RHBDL3: variants seen among roughly 807,000 people sequenced by gnomAD.
RHBDL3 encodes the protein rhomboid-related protein 3.
In RHBDL3, 28 loss-of-function variants were observed where a neutral mutation model predicts 48.2. The ratio of observed to expected loss-of-function variants is 0.58; its 90% confidence interval spans 0.43 to 0.80. RHBDL3 has a LOEUF of 0.80. Among genes scored for constraint, RHBDL3 ranks in the 30% least tolerant of loss-of-function variants. The pLI is 0.00. For missense variants in RHBDL3, 464 were observed against 542.7 expected, an observed-to-expected ratio of 0.85 and a Z score of 1.44; for synonymous variants, 208 against 232.3, an observed-to-expected ratio of 0.90 and a Z score of 0.95.
At chr17:32,293,637 A>G (rs879909251) in intron 4 of RHBDL3, among the ~76,000 whole-genome samples, 1 of 151,900 alleles carries the variant, frequency 6.6e-6, no homozygotes, top group Non-Finnish European at 1.5e-5. Context: ...TTATTTCACT[A>G]TAGTTATTTA....
Position 32,305,454 on chromosome 17 carries a change from C to T in RHBDL3, c.882+13C>T, listed in dbSNP as rs767282195. 1.4e-5 allele frequency: 21 copies of T among 1,544,158 alleles called. No homozygotes were observed. Among genetic ancestry groups the T allele is most frequent in the East Asian group, 1.1e-4 (5 of 44,540 alleles). ...CAACATTGTCATGGTGAGCACCTCCCGTTCTCAATGTGTCTTTCTGGCCCT... is the reference window on the plus strand; with the variant it reads ...CAACATTGTCATGGTGAGCACCTCCTGTTCTCAATGTGTCTTTCTGGCCCT... On this transcript the variant is annotated intron_variant, in intron 7 of 8. Transcript: ENST00000269051.
intron 2 of RHBDL3, among the ~76,000 whole-genome samples, chr17:32,277,336 A>T (rs1330153845): frequency 6.6e-6 from 1 of 152,234 alleles, no homozygotes; most frequent in South Asian, 2.1e-4. Flanking sequence ...CACATACATC[A>T]TAGACACAAG....
chr17:32,291,929 G>A (rs1211857583), intron 4 of RHBDL3, among the ~76,000 whole-genome samples: 1 of 151,686 alleles, frequency 6.6e-6, no homozygotes, highest in Non-Finnish European at 1.5e-5. Context: ...CTGCCACCAC[G>A]CCCGGCTAAT....
intron 7 of RHBDL3, among the ~76,000 whole-genome samples, chr17:32,315,583 T>C (rs1213733351): frequency 6.6e-6 from 1 of 152,070 alleles, no homozygotes; most frequent in Non-Finnish European, 1.5e-5. Flanking sequence ...AAACCCCCGA[T>C]GGTTGGGAAA....
intron 8 of RHBDL3, among the ~76,000 whole-genome samples, chr17:32,316,959 C>T (rs1686898654): frequency 1.3e-5 from 2 of 150,798 alleles, no homozygotes; most frequent in Non-Finnish European, 3.0e-5. Context: ...ACAACCTCCA[C>T]CTCCCGGGTT....
In RHBDL3 at chr17:32,288,957, T is replaced by C. The variant is rs951997141; in HGVS notation, c.460T>C (p.Tyr154His). 6.2e-7 allele frequency: 1 copy of C among 1,614,206 alleles called. No homozygotes were observed. Residue 154 changes from tyrosine to histidine, a missense_variant, in exon 4 of 9, where the codon TAT (tyrosine) becomes CAT (histidine). Transcript: ENST00000269051. ...LPREIDRKWY[Y>H]DSYTCCPPPW... ...CCGGGAAATTGACCGCAAGTGGTAC[T>C]ATGACAGCTACACCTGCTGCCCCCC... is the stretch of plus-strand genomic sequence containing the variant.
chr17:32,294,973 A>G (rs962080643), intron 5 of RHBDL3, among the ~76,000 whole-genome samples: 2 of 152,194 alleles, frequency 1.3e-5, no homozygotes, highest in Non-Finnish European at 2.9e-5. Context: ...CCACTTCATG[A>G]TAAGGGCCTA....
At chr17:32,302,354 T>A (rs141730129) in intron 6 of RHBDL3, among the ~76,000 whole-genome samples, 1 of 148,510 alleles carries the variant, frequency 6.7e-6, no homozygotes, top group Non-Finnish European at 1.5e-5. Flanking sequence ...TGCTTTTTTT[T>A]AGTTTTTTGG....
intron 8 of RHBDL3, 145 bp from the exon 9 acceptor site, chr17:32,320,813 C>T: frequency 3.2e-6 from 2 of 623,360 alleles, no homozygotes; most frequent in South Asian, 3.8e-5. Context: ...AGAGATTTGC[C>T]TGCCTCCTTC....
intron 7 of RHBDL3, 58 bp downstream of exon 7, chr17:32,305,499 C>A (rs1712718027): frequency 1.6e-6 from 2 of 1,244,810 alleles, no homozygotes; most frequent in Non-Finnish European, 2.4e-6. Context: ...CATCACTGGG[C>A]CTGAGTATTA....
intron 4 of RHBDL3, among the ~76,000 whole-genome samples, chr17:32,291,496 C>T (rs1368765903): frequency 1.3e-5 from 2 of 151,718 alleles, no homozygotes; most frequent in South Asian, 2.1e-4. Flanking sequence ...GCCTGGGCAA[C>T]GTGGTAAAAC....
At chr17:32,311,746 A>G (rs1022453694) in intron 7 of RHBDL3, among the ~76,000 whole-genome samples, 2 of 152,202 alleles carry the variant, frequency 1.3e-5, no homozygotes, top group Non-Finnish European at 2.9e-5. Flanking sequence ...GCCACTCTGC[A>G]GGGCAAACTC....
At chr17:32,291,775 T>A (rs1456201702) in intron 4 of RHBDL3, among the ~76,000 whole-genome samples, 2 of 149,656 alleles carry the variant, frequency 1.3e-5, no homozygotes, top group African/African-American at 2.5e-5. Flanking sequence ...ATATTCCTTT[T>A]TTTTTTTTTT....
intron 7 of RHBDL3, among the ~76,000 whole-genome samples, chr17:32,306,914 C>T (rs577013991): frequency 2.6e-5 from 4 of 152,254 alleles, no homozygotes; most frequent in African/African-American, 9.6e-5. Flanking sequence ...GAGTGAGACC[C>T]TGTCTCAATT....
intron 5 of RHBDL3, among the ~76,000 whole-genome samples, chr17:32,297,843 A>C (rs2040489299): frequency 6.6e-6 from 1 of 151,714 alleles, no homozygotes; most frequent in Non-Finnish European, 1.5e-5. Context: ...TCACTGTGCC[A>C]AGTGAAATGC....
intron 8 of RHBDL3, among the ~76,000 whole-genome samples, chr17:32,320,284 A>G (rs1410748499): frequency 6.6e-6 from 1 of 151,984 alleles, no homozygotes; most frequent in Non-Finnish European, 1.5e-5. Flanking sequence ...AACAAAAAGA[A>G]TCTGTTAAGG....
intron 6 of RHBDL3, among the ~76,000 whole-genome samples, chr17:32,303,344 C>A (rs1280599417): frequency 1.3e-5 from 2 of 152,176 alleles, no homozygotes; most frequent in African/African-American, 2.4e-5. Context: ...TGAGGAGCAG[C>A]TTGGGCAGCC....
chr17:32,288,799 A>G lies in RHBDL3; in HGVS notation c.302A>G (p.Asn101Ser). 1 of 1,611,026 alleles carries G rather than the reference A, an allele frequency of 6.2e-7. No homozygotes were observed. Among genetic ancestry groups the G allele is most frequent in the Non-Finnish European group, 8.5e-7 (1 of 1,178,666 alleles). ...GYQDFVSLMSNKRSNSFRQAI... is the reference protein window; with the variant it reads ...GYQDFVSLMSSKRSNSFRQAI... The stretch of plus-strand genomic sequence containing the variant: ...ACTCCATTTCCTGCACAGATGAGCA[A>G]CAAGCGTTCCAACAGCTTCCGCCAA... Residue 101 changes from asparagine to serine, a missense_variant, in exon 4 of 9, where the codon AAC becomes AGC. Physicochemically the swap from Asn to Ser is conservative, Grantham distance 46. Coordinates refer to ENST00000269051, the MANE Select transcript of RHBDL3 (RefSeq NM_138328.3).
intron 7 of RHBDL3, among the ~76,000 whole-genome samples, chr17:32,309,841 G>A (rs369005398): frequency 1 from 146,113 of 146,116 alleles, 73,055 homozygotes; most frequent in Middle Eastern, 1. Flanking sequence ...GTGCAATGGG[G>A]TGATCTCGGG....
Sources: allele counts gnomAD v4.1 joint callset (sites outside exome capture counted in the v4.1 genomes callset), GRCh38; gene constraint gnomAD v4.1.1; transcripts MANE v1.5; gene names NCBI Gene and HGNC (gene_info 2026-07-23, HGNC 2026-07-21).